The following SNX30 variants were observed in gnomAD, a reference collection of about 807,000 sequenced individuals.
The protein encoded by SNX30 is sorting nexin family member 30.
A neutral mutation model predicts 46.4 loss-of-function variants in SNX30; 24 were observed. The ratio of observed to expected loss-of-function variants is 0.52; its 90% confidence interval spans 0.37 to 0.73. The LOEUF (loss-of-function observed/expected upper bound fraction) is 0.73, where lower values mean the gene tolerates loss of function less well. SNX30 is among the 30% of genes least tolerant of loss of function. The probability of loss-of-function intolerance (pLI) is 0.00; values close to 1 mark genes in which losing one functional copy is unlikely to be tolerated. For missense variants in SNX30, 533 were observed against 555.7 expected (o/e 0.96, Z 0.41); for synonymous variants, 189 against 211.5 (o/e 0.89, Z 0.92).
intron 6 of SNX30, among the ~76,000 whole-genome samples, chr9:112,842,346 T>C (rs1840873328): frequency 6.6e-6 from 1 of 152,208 alleles, no homozygotes; most frequent in Non-Finnish European, 1.5e-5. Context: ...TGTCAGTCTA[T>C]CTTCATCATG....
At chr9:112,759,612 C>G (rs1161880130) in intron 1 of SNX30, among the ~76,000 whole-genome samples, 1 of 152,052 alleles carries the variant, frequency 6.6e-6, no homozygotes, top group African/African-American at 2.4e-5. Flanking sequence ...ACCTGTAGTC[C>G]CAGCTACTTG....
At chr9:112,861,735 C>A (rs576624407) in intron 7 of SNX30, among the ~76,000 whole-genome samples, 1 of 152,156 alleles carries the variant, frequency 6.6e-6, no homozygotes, top group Non-Finnish European at 1.5e-5. Context: ...TGCGGTGGGT[C>A]CTGGTGTCTT....
intron 6 of SNX30, among the ~76,000 whole-genome samples, chr9:112,840,937 G>A (rs1010473163): frequency 2.0e-5 from 3 of 150,598 alleles, no homozygotes; most frequent in Non-Finnish European, 4.4e-5. Flanking sequence ...CCCCCACCAC[G>A]CCTGGCTAAT....
chr9:112,804,267 C>T (rs1347849294), intron 1 of SNX30, among the ~76,000 whole-genome samples: 1 of 152,136 alleles, frequency 6.6e-6, no homozygotes. Context: ...CAGGTTCAAG[C>T]AATTCTCCTG....
chr9:112,821,729 G>A (rs976230809), intron 3 of SNX30, among the ~76,000 whole-genome samples: 2 of 151,766 alleles, frequency 1.3e-5, no homozygotes, highest in Non-Finnish European at 2.9e-5. Context: ...CTCGTGTTCC[G>A]CCTGACTTGG....
intron 2 of SNX30, among the ~76,000 whole-genome samples, chr9:112,817,234 A>AT (rs1840410219): frequency 6.6e-6 from 1 of 151,990 alleles, no homozygotes; most frequent in Non-Finnish European, 1.5e-5. Context: ...GGTGGAGACA[A>AT]TTTCTTTTCA....
intron 6 of SNX30, 22 bp downstream of exon 6, chr9:112,838,719 G>A (rs367671239): frequency 6.2e-7 from 1 of 1,604,786 alleles, no homozygotes; most frequent in Non-Finnish European, 8.5e-7. Flanking sequence ...TGCTTCTTGT[G>A]TATTTGCATA....
At position 112,836,109 on chromosome 9, in the gene SNX30, C is replaced by T. The variant is rs1840746538; in HGVS notation, c.619-105C>T. On this transcript the variant is annotated intron_variant, in intron 4 of 8. Coordinates refer to ENST00000374232, the MANE Select transcript of SNX30 (RefSeq NM_001012994.2). The stretch of plus-strand genomic sequence containing the variant: ...GCCTCTAACTCAGCTCCTTGTTTCC[C>T]GAGTTCTCCATTTCCAAACTGAAGC... 9 of 1,111,294 alleles carry T rather than the reference C, an allele frequency of 8.1e-6. No individual in the cohort carries two copies. The Middle Eastern group carries it at 9.5e-4, about 117-fold the overall frequency. 68.8% of individuals were successfully genotyped at this position (1,111,294 alleles called of 1,614,324 possible).
intron 1 of SNX30, among the ~76,000 whole-genome samples, chr9:112,760,949 A>G (rs1839424461): frequency 6.6e-6 from 1 of 152,172 alleles, no homozygotes; most frequent in Non-Finnish European, 1.5e-5. Flanking sequence ...CCCAAGGTGA[A>G]GGGCAGAGAC....
At chr9:112,767,760 T>TA (rs1839570087) in intron 1 of SNX30, among the ~76,000 whole-genome samples, 2 of 151,812 alleles carry the variant, frequency 1.3e-5, no homozygotes, top group Admixed American at 6.6e-5. Flanking sequence ...CAGCTAATTT[T>TA]TTTTATTTAT....
At chr9:112,773,244 A>C (rs1308386431) in intron 1 of SNX30, among the ~76,000 whole-genome samples, 1 of 152,210 alleles carries the variant, frequency 6.6e-6, no homozygotes, top group East Asian at 1.9e-4. Flanking sequence ...CCCATCCATA[A>C]AATGGGGTTA....
At chr9:112,804,215 A>G (rs1453405462) in intron 1 of SNX30, among the ~76,000 whole-genome samples, 2 of 151,044 alleles carry the variant, frequency 1.3e-5, no homozygotes, top group African/African-American at 4.9e-5. Flanking sequence ...CCCAGGTTGG[A>G]GTGCAATGGC....
At chr9:112,759,798 G>T (rs1477234592) in intron 1 of SNX30, among the ~76,000 whole-genome samples, 1 of 151,988 alleles carries the variant, frequency 6.6e-6, no homozygotes, top group Non-Finnish European at 1.5e-5. Context: ...CCACCACTTA[G>T]AGTCTTGGTA....
At chr9:112,826,167 G>A (rs16917381) in intron 3 of SNX30, among the ~76,000 whole-genome samples, 3 of 152,238 alleles carry the variant, frequency 2.0e-5, no homozygotes, top group Admixed American at 6.5e-5. Context: ...ATCGTAACAG[G>A]ACTCATGAAG....
At chr9:112,811,902 GA>G (rs1840326197) in intron 2 of SNX30, among the ~76,000 whole-genome samples, 1 of 152,182 alleles carries the variant, frequency 6.6e-6, no homozygotes, top group Non-Finnish European at 1.5e-5. Context: ...TCCTAAGTTA[GA>G]TCCTGAATTT....
chr9:112,759,781 C>A (rs1469473130), intron 1 of SNX30, among the ~76,000 whole-genome samples: 5 of 151,626 alleles, frequency 3.3e-5, no homozygotes, highest in Non-Finnish European at 7.4e-5. Flanking sequence ...GGATTTGAAT[C>A]TCAGCCCCAC....
chr9:112,776,625 C>G (rs1411576754), intron 1 of SNX30, among the ~76,000 whole-genome samples: 1 of 152,222 alleles, frequency 6.6e-6, no homozygotes, highest in Admixed American at 6.5e-5. Flanking sequence ...GCCACACGCT[C>G]ATGTCTATGT....
rs1042245889 is a variant in SNX30, at chr9:112,761,675, C to T, written c.156+10518C>T. Among the ~76,000 whole-genome samples, 6 of 152,092 alleles carry T rather than the reference C, an allele frequency of 3.9e-5. No individual in the cohort carries two copies. The East Asian group carries it at 5.8e-4, about 15-fold the overall frequency. On this transcript the variant is annotated intron_variant, in intron 1 of 8. Coordinates refer to ENST00000374232, the MANE Select transcript of SNX30 (RefSeq NM_001012994.2). ...GGAGATTGATGCTGAACAGTGGTGC[C>T]GTCTTTGAGAGGGGGGCGCAGACCG...
Position 112,751,131 on chromosome 9 carries a change from C to A in SNX30, c.130C>A (p.Leu44Met). 6.7e-7 allele frequency: 1 copy of A among 1,501,924 alleles called. No homozygotes were observed. The highest frequency in any genetic ancestry group is 8.8e-7 in the Non-Finnish European group (1 of 1,132,952). The allele number at this position is 1,501,924 out of a possible 1,614,324, so 93.0% of individuals were successfully genotyped here. The change falls in exon 1 of 9, where the codon CTG (leucine) becomes ATG (methionine). Residue 44 changes from leucine (L) to methionine (M), a missense_variant. Leu to Met is a conservative substitution (Grantham distance 15). Around this residue, in one of 3 missense-constraint regions of SNX30, gnomAD observed 191 missense variants for 160.3 expected, o/e 1.19. Transcript: ENST00000374232. ...TGACAGCACGCCCAGCCCGGACCTG[C>A]TGATGGCCCGCAGCTTCGGTGACAA... ...GGDSTPSPDL[L>M]MARSFGDKDL...
Sources: allele counts gnomAD v4.1 joint callset (sites outside exome capture counted in the v4.1 genomes callset), GRCh38; gene constraint gnomAD v4.1.1; regional missense constraint gnomAD v4.1.1; transcripts MANE v1.5; gene names NCBI Gene and HGNC (gene_info 2026-07-23, HGNC 2026-07-21).